Variants in SYCP2 observed in about 807,000 individuals in gnomAD.
The protein encoded by SYCP2 is synaptonemal complex lateral element protein.
A neutral mutation model predicts 211.3 loss-of-function variants in SYCP2; 55 were observed. The observed-to-expected ratio is 0.26, with a 90% CI of 0.21 to 0.33. The LOEUF is 0.33. SYCP2 is among the 10% of genes least tolerant of loss of function. The pLI is 1.00. For synonymous variants in SYCP2, 570 were observed against 555.2 expected (o/e 1.03, Z -0.37); for missense variants, 1,731 against 1,752.0 (o/e 0.99, Z 0.21).
intron 20 of SYCP2, among the ~76,000 whole-genome samples, chr20:59,894,288 C>T (rs2059965274): frequency 6.6e-6 from 1 of 151,956 alleles, no homozygotes; most frequent in South Asian, 2.1e-4. Flanking sequence ...TGGGTTGTCA[C>T]AATGACAGAG....
intron 15 of SYCP2, 150 bp downstream of exon 15, chr20:59,907,214 G>C (rs999895908): frequency 1.6e-6 from 1 of 610,048 alleles, no homozygotes; most frequent in African/African-American, 1.9e-5. Context: ...GGAAACATGG[G>C]ATCAAGGTGT....
intron 4 of SYCP2, among the ~76,000 whole-genome samples, chr20:59,920,944 T>G (rs183919867): frequency 1.3e-5 from 2 of 151,758 alleles, no homozygotes; most frequent in East Asian, 3.9e-4. Flanking sequence ...TGTTTTAGTT[T>G]TGACAGAAGT....
In SYCP2 at chr20:59,896,721, A is replaced by C. The variant is rs187619659; in HGVS notation, c.1405-193T>G. ...TCATCTTCATGTTTGGTATTAAATA[A>C]GTAGCTAAAACAAGTAAGGAACATT... On this transcript the variant is annotated intron_variant, in intron 18 of 44. Transcript: ENST00000357552. Among the ~76,000 whole-genome samples, 16 of 152,320 alleles carry C rather than the reference A, an allele frequency of 1.1e-4. No individual in the cohort carries two copies. The East Asian group carries it at 2.9e-3, about 28-fold the overall frequency.
At position 59,900,162 on chromosome 20, in the gene SYCP2, C is replaced by T; in HGVS notation, c.1380G>A (p.Gly460=). The T allele has an allele frequency of 6.2e-7, 1 of 1,613,192 alleles. No individual in the cohort carries two copies. Among genetic ancestry groups the T allele is most frequent in the Non-Finnish European group, 8.5e-7 (1 of 1,179,510 alleles). ...PSKYIKNSDK[G]NRNNSQLEKT... ...CCTCAAGCTGACTATTATTTCTATT[C>T]CCTTTGTCACTGTTTTTGATATATT... Residue 460 remains glycine (G), a synonymous_variant, in exon 18 of 45, where the codon GGG becomes GGA. Coordinates refer to ENST00000357552, the MANE Select transcript of SYCP2 (RefSeq NM_014258.4).
chr20:59,892,421 C>T lies in SYCP2; in HGVS notation c.1933G>A (p.Val645Ile). Reference protein sequence around the residue: ...SSGDTLNQDIVINKKLTKQKS... With the variant: ...SSGDTLNQDIIINKKLTKQKS... The stretch of plus-strand genomic sequence containing the variant: ...TGTTTAGTAAGTTTTTTATTTATAA[C>T]AATATCTATTGGGGAAAATGAGAAA... The change falls in exon 24 of 45, where the codon GTT becomes ATT. Residue 645 changes from valine (V) to isoleucine (I), a missense_variant. Coordinates refer to ENST00000357552, the MANE Select transcript of SYCP2 (RefSeq NM_014258.4). 6.7e-7 allele frequency: 1 copy of T among 1,498,162 alleles called. No individual in the cohort carries two copies. Among genetic ancestry groups the T allele is most frequent in the Non-Finnish European group, 9.0e-7 (1 of 1,107,004 alleles). 92.8% of individuals were successfully genotyped at this position (1,498,162 alleles called of 1,614,324 possible).
intron 37 of SYCP2, 66 bp from the exon 38 acceptor site, chr20:59,868,634 G>C: frequency 6.8e-7 from 1 of 1,475,754 alleles, no homozygotes; most frequent in Non-Finnish European, 9.0e-7. Context: ...ATATTTTCTT[G>C]CTTTTATTTT....
At chr20:59,903,019 ATTTGC>A (rs1176975540) in intron 15 of SYCP2, among the ~76,000 whole-genome samples, 19 of 152,032 alleles carry the variant, frequency 1.2e-4, no homozygotes, top group Non-Finnish European at 1.8e-4. Context: ...TAAATGTAAT[ATTTGC>A]TTTAACTCCT....
At position 59,880,362 on chromosome 20, in the gene SYCP2, G is replaced by T. The variant is rs910328858; in HGVS notation, c.2882C>A (p.Pro961Gln). 1.5e-5 allele frequency: 24 copies of T among 1,599,984 alleles called. No homozygotes were observed. Among genetic ancestry groups the T allele is most frequent in the Non-Finnish European group, 1.7e-5 (20 of 1,170,898 alleles). ...ATTTCTGCTATAGTCTATTAGCTGT[G>T]GTTTTGATTTCGGTTCTCTTAGCCA... is the stretch of plus-strand genomic sequence containing the variant. Reference protein sequence around the residue: ...ISWLREPKSKPQLIDYSRNKN... With the variant: ...ISWLREPKSKQQLIDYSRNKN... The change falls in exon 31 of 45, where the codon CCA becomes CAA. Residue 961 changes from proline (P) to glutamine (Q), a missense_variant. By Grantham distance (76) the Pro-to-Gln change is moderately conservative. Coordinates refer to ENST00000357552, the MANE Select transcript of SYCP2 (RefSeq NM_014258.4).
intron 31 of SYCP2, among the ~76,000 whole-genome samples, chr20:59,879,862 T>TATATACAC (rs1469618397): frequency 6.0e-5 from 7 of 116,084 alleles, no homozygotes; most frequent in Non-Finnish European, 1.3e-4. Flanking sequence ...TATATATATA[T>TATATACAC]ACACACACAC....
chr20:59,931,438 G>A (rs907122779), intron 2 of SYCP2, among the ~76,000 whole-genome samples: 2 of 152,130 alleles, frequency 1.3e-5, no homozygotes, highest in African/African-American at 4.8e-5. Context: ...CTGTTTTGAT[G>A]CAGTGAAGGT....
intron 44 of SYCP2, 135 bp downstream of exon 44, chr20:59,865,252 AC>A: frequency 3.0e-6 from 2 of 656,592 alleles, no homozygotes; most frequent in South Asian, 2.1e-5. Context: ...TATTTAAAGA[AC>A]TAAAAGTAAT....
intron 24 of SYCP2, among the ~76,000 whole-genome samples, chr20:59,891,442 G>C (rs1164456147): frequency 6.6e-6 from 1 of 151,852 alleles, no homozygotes; most frequent in East Asian, 1.9e-4. Context: ...AAGAAAGTGG[G>C]AGCTCTAATA....
intron 23 of SYCP2, 28 bp from the exon 24 acceptor site, chr20:59,892,454 T>G (rs1202509244): frequency 4.1e-6 from 6 of 1,453,438 alleles, no homozygotes; most frequent in Non-Finnish European, 4.6e-6. Flanking sequence ...AAATTAATTC[T>G]TTTTAAATTA....
intron 16 of SYCP2, 47 bp downstream of exon 16, chr20:59,901,615 T>G (rs774862083): frequency 1.0e-5 from 12 of 1,172,738 alleles, no homozygotes; most frequent in African/African-American, 4.7e-5. Flanking sequence ...CCAAACTGTT[T>G]CCAGAATTAT....
intron 33 of SYCP2, among the ~76,000 whole-genome samples, chr20:59,876,640 TCA>T (rs1353843667): frequency 6.6e-6 from 1 of 151,798 alleles, no homozygotes; most frequent in African/African-American, 2.4e-5. Context: ...CTCAATTTTC[TCA>T]GTTGTAAAAT....
Position 59,864,121 on chromosome 20 carries a change from G to T in SYCP2, c.*190C>A, listed in dbSNP as rs2059283406. On this transcript the variant is annotated 3_prime_UTR_variant, in exon 45 of 45. Coordinates refer to ENST00000357552, the MANE Select transcript of SYCP2 (RefSeq NM_014258.4). Reference sequence around the variant, plus strand: ...ATATTGTATAGACAGAAGTCTTCTGGGCTTGGACTCATGTTATAGTGGTTC... The same window carrying T: ...ATATTGTATAGACAGAAGTCTTCTGTGCTTGGACTCATGTTATAGTGGTTC... 1.3e-5 allele frequency: 5 copies of T among 396,444 alleles called. No individual in the cohort carries two copies. The highest frequency in any genetic ancestry group is 6.9e-4 in the Middle Eastern group (1 of 1,448). The allele number at this position is 396,444 out of a possible 1,614,324, so 24.6% of individuals were successfully genotyped here.
intron 8 of SYCP2, 147 bp downstream of exon 8, chr20:59,916,339 G>A (rs967095956): frequency 1.7e-5 from 10 of 582,560 alleles, no homozygotes; most frequent in Admixed American, 9.3e-5. Context: ...TAAGTATTTC[G>A]GAAATATGTC....
intron 7 of SYCP2, among the ~76,000 whole-genome samples, chr20:59,917,288 T>C (rs951074076): frequency 1.3e-5 from 2 of 152,212 alleles, no homozygotes; most frequent in Non-Finnish European, 1.5e-5. Context: ...TTCTAAATGA[T>C]GTGAGCCCCT....
chr20:59,923,415 C>A (rs2060576281), intron 2 of SYCP2, among the ~76,000 whole-genome samples: 1 of 151,736 alleles, frequency 6.6e-6, no homozygotes, highest in African/African-American at 2.4e-5. Flanking sequence ...GAACCATGTG[C>A]CTGATAGTAT....
Sources: allele counts gnomAD v4.1 joint callset (sites outside exome capture counted in the v4.1 genomes callset), GRCh38; gene constraint gnomAD v4.1.1; transcripts MANE v1.5; gene names NCBI Gene and HGNC (gene_info 2026-07-23, HGNC 2026-07-21).